Variants in NCOA1 observed in about 807,000 individuals in gnomAD.
NCOA1 encodes the protein Hin-2 protein.
Under a neutral mutation model 150.9 loss-of-function variants are expected in NCOA1, and 35 were observed. The ratio of observed to expected loss-of-function variants is 0.23; its 90% CI spans 0.18 to 0.31. The LOEUF (loss-of-function observed/expected upper bound fraction) is 0.31, where lower values mean the gene tolerates loss of function less well. NCOA1 is among the 10% of genes least tolerant of loss of function. The pLI is 1.00. For synonymous variants in NCOA1, 590 were observed against 630.0 expected, an observed-to-expected ratio of 0.94 and a Z score of 0.95; for missense variants, 1,491 against 1,749.3, an observed-to-expected ratio of 0.85 and a Z score of 2.63.
chr2:24,683,171 AT>A (rs770006583), intron 8 of NCOA1, 43 bp downstream of exon 8: 24 of 1,272,986 alleles, frequency 1.9e-5, no homozygotes, highest in Non-Finnish European at 2.5e-5. Flanking sequence ...AGCTCTCTGT[AT>A]CTTCTCCTTA....
rs758612119 is a variant in NCOA1, at chr2:24,706,959, T to A, written c.1489T>A (p.Leu497Met). ...MSPRRQVTSGLATRPRMPNNS... is the reference protein window; with the variant it reads ...MSPRRQVTSGMATRPRMPNNS... ...TCCAAGGAGACAGGTTACTTCTGGATTGGCAACAAGGCCCAGGATGCCAAA... is the reference window on the plus strand; with the variant it reads ...TCCAAGGAGACAGGTTACTTCTGGAATGGCAACAAGGCCCAGGATGCCAAA... The change falls in exon 13 of 23, where the codon TTG becomes ATG. Residue 497 changes from leucine (L) to methionine (M), a missense_variant. By Grantham distance (15) the Leu-to-Met change is conservative. Coordinates refer to ENST00000348332, the MANE Select transcript of NCOA1 (RefSeq NM_003743.5). 1 of 1,614,188 alleles carries A rather than the reference T, an allele frequency of 6.2e-7. No homozygotes were observed. Among genetic ancestry groups the A allele is most frequent in the Non-Finnish European group, 8.5e-7 (1 of 1,180,024 alleles).
At chr2:24,758,826 A>AC (rs1451236848) in intron 21 of NCOA1, among the ~76,000 whole-genome samples, 69 of 151,764 alleles carry the variant, frequency 4.5e-4, no homozygotes, top group African/African-American at 1.7e-3. Flanking sequence ...ACTAAAAAAA[A>AC]AACAAACAAA....
chr2:24,558,533 A>C (rs899278092), intron 1 of NCOA1, among the ~76,000 whole-genome samples: 1 of 152,170 alleles, frequency 6.6e-6, no homozygotes, highest in Non-Finnish European at 1.5e-5. Flanking sequence ...TATCACGAGA[A>C]TAGCACAGGA....
intron 2 of NCOA1, among the ~76,000 whole-genome samples, chr2:24,577,631 G>A (rs774144198): frequency 3.3e-5 from 5 of 152,260 alleles, no homozygotes; most frequent in Middle Eastern, 3.4e-3. Flanking sequence ...TAGATAAGCC[G>A]TGAATTAAAT....
intron 2 of NCOA1, among the ~76,000 whole-genome samples, chr2:24,565,421 T>C (rs1666456849): frequency 6.6e-6 from 1 of 152,222 alleles, no homozygotes; most frequent in Non-Finnish European, 1.5e-5. Context: ...TGCTAGAATA[T>C]AGAGAAAGTA....
At chr2:24,561,510 T>G (rs1444986136) in intron 1 of NCOA1, among the ~76,000 whole-genome samples, 1 of 152,190 alleles carries the variant, frequency 6.6e-6, no homozygotes, top group Non-Finnish European at 1.5e-5. Context: ...ATACAAAGTT[T>G]GGAAAATTGT....
intron 2 of NCOA1, among the ~76,000 whole-genome samples, chr2:24,569,169 G>A (rs1666633813): frequency 6.6e-6 from 1 of 152,134 alleles, no homozygotes; most frequent in Non-Finnish European, 1.5e-5. Flanking sequence ...TAAAACTTGT[G>A]GATGTAAGCA....
intron 14 of NCOA1, among the ~76,000 whole-genome samples, chr2:24,718,648 A>G (rs915996662): frequency 1.3e-5 from 2 of 151,192 alleles, no homozygotes; most frequent in South Asian, 4.2e-4. Context: ...TCTGGCCAAC[A>G]TGGTGAAACT....
intron 2 of NCOA1, among the ~76,000 whole-genome samples, chr2:24,578,836 T>C (rs1046063209): frequency 5.3e-5 from 8 of 152,198 alleles, no homozygotes; most frequent in Admixed American, 3.9e-4. Flanking sequence ...TTCACAATAC[T>C]ATTACTTATC....
intron 7 of NCOA1, among the ~76,000 whole-genome samples, chr2:24,681,267 A>T (rs769424119): frequency 1.5e-4 from 23 of 152,248 alleles, no homozygotes; most frequent in Middle Eastern, 3.4e-3. Flanking sequence ...GGGAGGCTGA[A>T]GCAGGAGTAT....
intron 1 of NCOA1, among the ~76,000 whole-genome samples, chr2:24,516,977 C>CATATAGGTATATATACGTGTAT (rs1246704500): frequency 1.7e-5 from 1 of 58,968 alleles, no homozygotes; most frequent in Non-Finnish European, 3.8e-5. Flanking sequence ...TATATATACA[C>CATATAGGTATATATACGTGTAT]ATATACGTAT....
intron 1 of NCOA1, among the ~76,000 whole-genome samples, chr2:24,551,222 G>A (rs1665818940): frequency 6.6e-6 from 1 of 152,104 alleles, no homozygotes; most frequent in Non-Finnish European, 1.5e-5. Context: ...CAGTAGGAAA[G>A]GTTAAACATA....
intron 8 of NCOA1, among the ~76,000 whole-genome samples, chr2:24,688,599 T>G (rs1472140014): frequency 6.6e-6 from 1 of 152,206 alleles, no homozygotes; most frequent in Non-Finnish European, 1.5e-5. Flanking sequence ...TTAATGGGGT[T>G]GTTTTTTCCT....
chr2:24,761,884 T>TGG (rs1347003790), intron 21 of NCOA1, among the ~76,000 whole-genome samples: 1 of 152,234 alleles, frequency 6.6e-6, no homozygotes, highest in South Asian at 2.1e-4. Context: ...TTTTCCACTC[T>TGG]GGGGGGTGAA....
chr2:24,762,544 T>C (rs1664840110), intron 21 of NCOA1, 143 bp from the exon 22 acceptor site: 2 of 711,892 alleles, frequency 2.8e-6, no homozygotes, highest in East Asian at 5.5e-5. Context: ...TCCTGACTTG[T>C]AACAACACAG....
At chr2:24,551,116 CT>C in intron 1 of NCOA1, among the ~76,000 whole-genome samples, 1 of 149,172 alleles carries the variant, frequency 6.7e-6, no homozygotes, top group African/African-American at 2.5e-5. Flanking sequence ...AAAAAAAGCT[CT>C]GATAGTTTTC....
Position 24,512,123 on chromosome 2 carries a change from T to A in NCOA1, c.-396+20521T>A, listed in dbSNP as rs1663960121. On this transcript the variant is annotated intron_variant, in intron 1 of 22. Coordinates refer to ENST00000348332, the MANE Select transcript of NCOA1 (RefSeq NM_003743.5). ...GAAAGTTAGGAGGATGTTTATTGATTATGCAGTTGAATCTCTTAGAGTAGA... is the reference window on the plus strand; with the variant it reads ...GAAAGTTAGGAGGATGTTTATTGATAATGCAGTTGAATCTCTTAGAGTAGA... Among the ~76,000 whole-genome samples, 3 of 152,362 alleles carry A rather than the reference T, an allele frequency of 2.0e-5. No homozygotes were observed. In the South Asian group the frequency reaches 6.2e-4, roughly 32 times the overall value.
At chr2:24,633,269 A>G (rs1357131821) in intron 3 of NCOA1, among the ~76,000 whole-genome samples, 1 of 152,134 alleles carries the variant, frequency 6.6e-6, no homozygotes, top group Non-Finnish European at 1.5e-5. Context: ...AAGAATTTTT[A>G]CCAATTAAGA....
At chr2:24,701,529 G>C (rs1485892399) in intron 11 of NCOA1, among the ~76,000 whole-genome samples, 1 of 146,556 alleles carries the variant, frequency 6.8e-6, no homozygotes, top group East Asian at 2.0e-4. Context: ...AAAAAGAGTA[G>C]ACCAAGAGAG....
Sources: allele counts gnomAD v4.1 joint callset (sites outside exome capture counted in the v4.1 genomes callset), GRCh38; gene constraint gnomAD v4.1.1; transcripts MANE v1.5; gene names NCBI Gene and HGNC (gene_info 2026-07-23, HGNC 2026-07-21).